DNAI7: variants seen among roughly 807,000 people sequenced by gnomAD.
DNAI7 encodes the protein dynein axonemal intermediate chain 7.
A neutral mutation model predicts 86.6 loss-of-function variants in DNAI7; 78 were observed. That is an observed-to-expected ratio of 0.90 (90% CI 0.75 to 1.09). The LOEUF (loss-of-function observed/expected upper bound fraction) is 1.09. Ranked by LOEUF, DNAI7 falls within the 50% of genes least tolerant of loss-of-function variation. The pLI, the probability that DNAI7 is intolerant of heterozygous loss-of-function variation, is 0.00. For synonymous variants in DNAI7, 274 were observed against 273.0 expected (o/e 1.00, Z -0.04); for missense variants, 753 against 810.2 (o/e 0.93, Z 0.86).
At chr12:25,151,825 T>C (rs879575499) in intron 6 of DNAI7, among the ~76,000 whole-genome samples, 1 of 152,240 alleles carries the variant, frequency 6.6e-6, no homozygotes, top group Non-Finnish European at 1.5e-5. Flanking sequence ...ATTTGTTAAA[T>C]GACTCTTATA....
intron 9 of DNAI7, among the ~76,000 whole-genome samples, chr12:25,125,607 G>A (rs1029429092): frequency 6.6e-6 from 1 of 152,118 alleles, no homozygotes; most frequent in African/African-American, 2.4e-5. Flanking sequence ...AAACTCTTAA[G>A]TTTAATTAGA....
At chr12:25,152,985 C>A (rs1264053081) in intron 6 of DNAI7, among the ~76,000 whole-genome samples, 3 of 152,154 alleles carry the variant, frequency 2.0e-5, no homozygotes, top group Non-Finnish European at 4.4e-5. Context: ...TGAATATTGT[C>A]TCTCTTCCAT....
At chr12:25,154,488 T>C (rs1168257145) in intron 5 of DNAI7, 32 bp from the exon 6 acceptor site, 5 of 1,579,484 alleles carry the variant, frequency 3.2e-6, no homozygotes, top group Non-Finnish European at 4.3e-6. Flanking sequence ...AGGTTCACAT[T>C]GATGAAGATT....
intron 13 of DNAI7, among the ~76,000 whole-genome samples, chr12:25,114,105 C>G (rs1939583882): frequency 6.6e-6 from 1 of 152,036 alleles, no homozygotes. Context: ...GCCACCACGC[C>G]TGGCTAATTT....
At chr12:25,115,686 A>G (rs1337528533) in intron 12 of DNAI7, among the ~76,000 whole-genome samples, 2 of 152,260 alleles carry the variant, frequency 1.3e-5, no homozygotes, top group African/African-American at 2.4e-5. Flanking sequence ...AATGTTATGA[A>G]CAAACAGAAA....
chr12:25,194,654 C>T (rs1399128929), intron 1 of DNAI7, among the ~76,000 whole-genome samples: 3 of 152,158 alleles, frequency 2.0e-5, no homozygotes, highest in Non-Finnish European at 4.4e-5. Context: ...CAAAAGACGA[C>T]ATAAAATATT....
In DNAI7 at chr12:25,108,768, A is replaced by G. The variant is rs146297198; in HGVS notation, c.1949T>C (p.Met650Thr). The change falls in exon 16 of 16, where the codon ATG becomes ACG. Residue 650 changes from methionine (M) to threonine (T), a missense_variant. Transcript: ENST00000395987. ...CTENPNWALL[M>T]FSGDRAQRLK... is the part of the protein sequence containing the mutation. ...TCTTTGTGCTCTGTCACCACTAAAC[A>G]TTAAAAGGGCCCAATTAGGATTCTC... is the stretch of plus-strand genomic sequence containing the variant. The G allele has an allele frequency of 1.2e-3, 1,862 of 1,510,210 alleles. 3 individuals are homozygous for G. Among genetic ancestry groups the G allele is most frequent in the Non-Finnish European group, 1.6e-3 (1,798 of 1,114,870 alleles). 93.6% of individuals were successfully genotyped at this position (1,510,210 alleles called of 1,614,324 possible). A position where few individuals can be genotyped will look rare whatever the true frequency, so the allele number is the denominator to read the frequency against.
intron 14 of DNAI7, among the ~76,000 whole-genome samples, chr12:25,110,907 A>G (rs917909117): frequency 2.0e-5 from 3 of 152,212 alleles, no homozygotes; most frequent in African/African-American, 7.2e-5. Context: ...TGCCTAGCAC[A>G]CAGTGTTCAG....
intron 4 of DNAI7, 92 bp downstream of exon 4, chr12:25,158,361 TGTAGGCCTAAATATTACTG>T (rs1946447801): frequency 5.2e-6 from 4 of 773,374 alleles, no homozygotes; most frequent in Non-Finnish European, 8.3e-6. Context: ...ATTAAGTTCA[TGTAGGCCTAAATATTACTG>T]GTAGCTATGG....
At chr12:25,163,421 G>A (rs989041776) in intron 2 of DNAI7, among the ~76,000 whole-genome samples, 5 of 152,082 alleles carry the variant, frequency 3.3e-5, no homozygotes, top group Non-Finnish European at 7.3e-5. Context: ...AGCACCTTGT[G>A]ACCCCCCACT....
At chr12:25,112,517 C>T (rs924489962) in intron 13 of DNAI7, among the ~76,000 whole-genome samples, 1 of 150,004 alleles carries the variant, frequency 6.7e-6, no homozygotes, top group Non-Finnish European at 1.5e-5. Context: ...CACCATTCTC[C>T]TGCTTCAGCC....
intron 8 of DNAI7, 27 bp from the exon 9 acceptor site, chr12:25,144,704 A>C (rs112494100): frequency 0.043 from 66,767 of 1,550,438 alleles, 1,720 homozygotes; most frequent in Middle Eastern, 0.064. Flanking sequence ...ACAACAAAAA[A>C]AGATGAGACC....
At chr12:25,152,117 C>T (rs1456587075) in intron 6 of DNAI7, among the ~76,000 whole-genome samples, 4 of 152,216 alleles carry the variant, frequency 2.6e-5, no homozygotes, top group African/African-American at 9.7e-5. Context: ...TCTCTGCCCC[C>T]TGTTCCTGGC....
Position 25,195,070 on chromosome 12 carries a change from G to A in DNAI7, c.3+6C>T. On this transcript the variant is annotated splice_donor_region_variant and intron_variant, in intron 1 of 15. Coordinates refer to ENST00000395987, the MANE Select transcript of DNAI7 (RefSeq NM_018272.5). The stretch of plus-strand genomic sequence containing the variant: ...TCCACCTGTCTGCCTCATTTGCCTT[G>A]CTCACCATTAAGAGTCAAGCTCCAC... 6.2e-7 allele frequency: 1 copy of A among 1,614,200 alleles called. No individual in the cohort carries two copies. The highest frequency in any genetic ancestry group is 2.2e-5 in the East Asian group (1 of 44,888).
intron 2 of DNAI7, among the ~76,000 whole-genome samples, chr12:25,171,923 A>T (rs769123111): frequency 2.0e-5 from 3 of 152,178 alleles, no homozygotes; most frequent in Non-Finnish European, 4.4e-5. Flanking sequence ...TCCCTTTATG[A>T]TTAAAACTCT....
intron 14 of DNAI7, 142 bp from the exon 15 acceptor site, chr12:25,110,382 C>A (rs1246681741): frequency 3.3e-6 from 2 of 612,876 alleles, no homozygotes; most frequent in African/African-American, 3.7e-5. Flanking sequence ...TCTCTCAACA[C>A]TGGGCAATGG....
intron 13 of DNAI7, among the ~76,000 whole-genome samples, chr12:25,112,213 T>C (rs1259659811): frequency 3.3e-5 from 5 of 152,110 alleles, no homozygotes; most frequent in Non-Finnish European, 7.4e-5. Context: ...ATTTTAGAAA[T>C]TGTAATATAA....
intron 2 of DNAI7, among the ~76,000 whole-genome samples, chr12:25,177,231 A>T (rs1197743098): frequency 1.3e-5 from 2 of 152,072 alleles, no homozygotes; most frequent in Non-Finnish European, 2.9e-5. Context: ...TGTGCAATTC[A>T]GTGGCTTTAA....
At position 25,163,257 on chromosome 12, in the gene DNAI7, C is replaced by G. The variant is rs577989118; in HGVS notation, c.22-2060G>C. The stretch of plus-strand genomic sequence containing the variant: ...AGCTAAGCCATCATATCCCCTGTGA[C>G]CTGCACGTACACATCTAGATGGCCG... On this transcript the variant is annotated intron_variant, in intron 2 of 15. Transcript: ENST00000395987. Among the ~76,000 whole-genome samples, 4 of 152,296 alleles carry G rather than the reference C, an allele frequency of 2.6e-5. 1 individual carries two copies. The highest frequency in any genetic ancestry group is 4.4e-5 in the Non-Finnish European group (3 of 68,030).
Sources: gnomAD v4.1 joint callset for allele counts (sites outside exome capture counted in the v4.1 genomes callset) on GRCh38, gnomAD v4.1.1 for gene constraint, MANE v1.5 for transcripts, NCBI Gene and HGNC (gene_info 2026-07-23, HGNC 2026-07-21) for gene names.